The following KCTD16 variants were observed in gnomAD, a reference collection of about 807,000 sequenced individuals.
The protein encoded by KCTD16 is BTB/POZ domain-containing protein KCTD16.
In KCTD16, 13 loss-of-function variants were observed where a neutral mutation model predicts 33.2. The observed-to-expected ratio is 0.39, with a 90% CI of 0.25 to 0.62. The LOEUF (loss-of-function observed/expected upper bound fraction) is 0.62, where lower values mean the gene tolerates loss of function less well. KCTD16 is among the 20% of genes least tolerant of loss of function. The pLI, the probability that KCTD16 is intolerant of heterozygous loss-of-function variation, is 0.50. For missense variants in KCTD16, 441 were observed against 525.1 expected (o/e 0.84, Z 1.57); for synonymous variants, 197 against 195.3 (o/e 1.01, Z -0.07).
chr5:144,316,582 C>T (rs1751921928), intron 3 of KCTD16, among the ~76,000 whole-genome samples: 1 of 149,392 alleles, frequency 6.7e-6, no homozygotes, highest in African/African-American at 2.5e-5. Context: ...GCGATCTCTC[C>T]ACTCACTGCA....
intron 2 of KCTD16, among the ~76,000 whole-genome samples, chr5:144,177,018 C>T (rs1245116678): frequency 2.6e-5 from 4 of 152,082 alleles, no homozygotes; most frequent in East Asian, 1.9e-4. Context: ...TGTGCAGAAG[C>T]GCTTTAGTTT....
At chr5:144,454,701 C>T (rs1266122756) in intron 3 of KCTD16, among the ~76,000 whole-genome samples, 1 of 152,134 alleles carries the variant, frequency 6.6e-6, no homozygotes, top group African/African-American at 2.4e-5. Flanking sequence ...ATCCTCTCTT[C>T]TTTACCCTAT....
intron 3 of KCTD16, among the ~76,000 whole-genome samples, chr5:144,411,936 A>G (rs1752942317): frequency 6.6e-6 from 1 of 152,236 alleles, no homozygotes; most frequent in African/African-American, 2.4e-5. Flanking sequence ...TTGCCAAATC[A>G]TGAATCATCA....
intron 3 of KCTD16, among the ~76,000 whole-genome samples, chr5:144,240,724 T>C (rs1754379955): frequency 6.6e-6 from 1 of 152,088 alleles, no homozygotes; most frequent in Non-Finnish European, 1.5e-5. Context: ...TCTCAGGACC[T>C]TGACACTTCT....
intron 3 of KCTD16, among the ~76,000 whole-genome samples, chr5:144,398,708 A>ACACTCTCTCTCTCTCTCTCTCT (rs1554092476): frequency 2.8e-5 from 4 of 145,454 alleles, no homozygotes; most frequent in Admixed American, 2.1e-4. Context: ...ACACACACAC[A>ACACTCTCTCTCTCTCTCTCTCT]CTCTCTCTCT....
chr5:144,473,992 C>T lies in KCTD16; in HGVS notation c.1165C>T (p.Leu389Phe), dbSNP rs141010798. The change falls in exon 4 of 4, where the codon CTC becomes TTC. Residue 389 changes from leucine to phenylalanine, a missense_variant. By Grantham distance (22) the Leu-to-Phe change is conservative. Transcript: ENST00000512467. ...SSKKKAVKEK[L>F]SIEEELEKCI... ...CAAAAAAAAAGCTGTTAAAGAAAAG[C>T]TCTCAATTGAGGAGGAGCTGGAGAA... 335 of 1,613,930 alleles carry T rather than the reference C, an allele frequency of 2.1e-4. No individual in the cohort carries two copies. The highest frequency in any genetic ancestry group is 2.3e-4 in the Non-Finnish European group (275 of 1,179,996).
chr5:144,371,950 C>A lies in KCTD16; in HGVS notation c.833-101710C>A, dbSNP rs190754083. Among the ~76,000 whole-genome samples, 420 of 152,162 alleles carry A rather than the reference C, an allele frequency of 2.8e-3. 13 individuals carry two copies. Among genetic ancestry groups the A allele is most frequent in the Admixed American group, 0.025 (380 of 15,254 alleles). ...CAACCTTATGCTCTGTTTAACCACA[C>A]CCCTTCTCAATTTTTTTACTCTGTT... is the stretch of plus-strand genomic sequence containing the variant. On this transcript the variant is annotated intron_variant, in intron 3 of 3. Coordinates refer to ENST00000512467, the MANE Select transcript of KCTD16 (RefSeq NM_020768.4).
intron 3 of KCTD16, chr5:144,369,292 G>T (rs1032405865): frequency 1.3e-5 from 2 of 152,074 alleles, no homozygotes; most frequent in South Asian, 2.1e-4. Context: ...GGTGCATGTA[G>T]CCTGGTTTGG....
chr5:144,176,115 T>C (rs1241348095), intron 2 of KCTD16, among the ~76,000 whole-genome samples: 3 of 152,200 alleles, frequency 2.0e-5, no homozygotes, highest in South Asian at 2.1e-4. Flanking sequence ...GAACCGCCTA[T>C]ATTTAGGGCA....
chr5:144,194,948 G>T (rs1752914088), intron 2 of KCTD16, among the ~76,000 whole-genome samples: 1 of 152,178 alleles, frequency 6.6e-6, no homozygotes, highest in African/African-American at 2.4e-5. Flanking sequence ...GTAATGAAAG[G>T]TGACCACAAA....
chr5:144,371,900 C>T (rs778523329), intron 3 of KCTD16, among the ~76,000 whole-genome samples: 22 of 152,110 alleles, frequency 1.4e-4, no homozygotes, highest in Non-Finnish European at 2.5e-4. Context: ...CTTGCCTCTT[C>T]TCCCTCTAGC....
At chr5:144,264,609 A>G (rs1055948669) in intron 3 of KCTD16, among the ~76,000 whole-genome samples, 4 of 152,072 alleles carry the variant, frequency 2.6e-5, no homozygotes, top group Admixed American at 1.3e-4. Context: ...AAAAAAACAT[A>G]GAAAATGTAA....
chr5:144,426,345 C>T (rs978873326), intron 3 of KCTD16, among the ~76,000 whole-genome samples: 15 of 152,122 alleles, frequency 9.9e-5, no homozygotes, highest in African/African-American at 2.4e-4. Context: ...ATTCTGATCA[C>T]GACTACTTAA....
chr5:144,459,067 A>G (rs1004143662), intron 3 of KCTD16, among the ~76,000 whole-genome samples: 1 of 152,238 alleles, frequency 6.6e-6, no homozygotes, highest in Non-Finnish European at 1.5e-5. Context: ...TAACCAAGTA[A>G]GTGTTCTGTA....
At chr5:144,271,211 T>G (rs992522556) in intron 3 of KCTD16, among the ~76,000 whole-genome samples, 1 of 151,962 alleles carries the variant, frequency 6.6e-6, no homozygotes, top group African/African-American at 2.4e-5. Flanking sequence ...CAAAAATACT[T>G]CAAAGAAGTA....
intron 3 of KCTD16, among the ~76,000 whole-genome samples, chr5:144,365,566 G>T (rs1580905062): frequency 6.6e-6 from 1 of 152,090 alleles, no homozygotes; most frequent in South Asian, 2.1e-4. Context: ...AACCAATAGG[G>T]ATCAATACTC....
chr5:144,230,028 G>C (rs148389938), intron 3 of KCTD16, among the ~76,000 whole-genome samples: 1 of 152,166 alleles, frequency 6.6e-6, no homozygotes, highest in African/African-American at 2.4e-5. Flanking sequence ...TGTGGTCCTA[G>C]CTACATGGGA....
intron 3 of KCTD16, among the ~76,000 whole-genome samples, chr5:144,378,807 C>T (rs1161485940): frequency 1.3e-5 from 2 of 152,114 alleles, no homozygotes; most frequent in Non-Finnish European, 2.9e-5. Flanking sequence ...TTGAGCTGAA[C>T]CAACGTGTTA....
rs191905011 is a variant in KCTD16, at chr5:144,172,303, A to G, written c.-493+1294A>G. On this transcript the variant is annotated intron_variant, in intron 1 of 3. Coordinates refer to ENST00000512467, the MANE Select transcript of KCTD16 (RefSeq NM_020768.4). ...TTTTGTGGATACATCATAGTTGTAC[A>G]TATTTATGAGATAAATGTGACATTT... Among the ~76,000 whole-genome samples, 474 of 152,358 alleles carry G rather than the reference A, an allele frequency of 3.1e-3. 2 individuals carry two copies. The highest frequency in any genetic ancestry group is 4.6e-3 in the Non-Finnish European group (311 of 68,040).
Sources: gnomAD v4.1 joint callset for allele counts (sites outside exome capture counted in the v4.1 genomes callset) on GRCh38, gnomAD v4.1.1 for gene constraint, MANE v1.5 for transcripts, NCBI Gene and HGNC (gene_info 2026-07-23, HGNC 2026-07-21) for gene names.